The following ETV6 variants were observed in gnomAD, a reference collection of about 807,000 sequenced individuals.
ETV6 encodes the protein transcription factor ETV6.
In ETV6, 16 loss-of-function variants were observed where a neutral mutation model predicts 51.1. That is an observed-to-expected ratio of 0.31 (90% CI 0.21 to 0.48). The LOEUF (loss-of-function observed/expected upper bound fraction) is 0.48, where lower values mean the gene tolerates loss of function less well. Ranked by LOEUF, ETV6 falls within the 20% of genes least tolerant of loss-of-function variation. ETV6 has a pLI of 0.99. For missense variants in ETV6, 458 were observed against 594.8 expected (o/e 0.77, Z 2.39); for synonymous variants, 240 against 224.1 (o/e 1.07, Z -0.64).
At chr12:11,652,033 C>T (rs767480496) in intron 1 of ETV6, among the ~76,000 whole-genome samples, 3 of 152,146 alleles carry the variant, frequency 2.0e-5, no homozygotes, top group Non-Finnish European at 2.9e-5. Context: ...CCAAGCAAAA[C>T]GCGTTCTTAA....
chr12:11,738,440 C>G (rs1865749965), intron 1 of ETV6, among the ~76,000 whole-genome samples: 1 of 151,744 alleles, frequency 6.6e-6, no homozygotes, highest in Non-Finnish European at 1.5e-5. Flanking sequence ...CTCAGCCTCC[C>G]AAGTAGCTGG....
chr12:11,682,720 T>C (rs1258125854), intron 1 of ETV6, among the ~76,000 whole-genome samples: 1 of 152,062 alleles, frequency 6.6e-6, no homozygotes, highest in Admixed American at 6.6e-5. Context: ...CCTAAAACCA[T>C]AAAAAGTCTT....
chr12:11,732,056 C>G (rs1865609823), intron 1 of ETV6, among the ~76,000 whole-genome samples: 1 of 152,164 alleles, frequency 6.6e-6, no homozygotes. Flanking sequence ...AGATGTTCCA[C>G]CCTGCAGTCC....
intron 2 of ETV6, among the ~76,000 whole-genome samples, chr12:11,765,166 C>G (rs560546334): frequency 2.7e-4 from 41 of 152,346 alleles, no homozygotes; most frequent in South Asian, 1.7e-3. Flanking sequence ...CCCAAAACTT[C>G]AGGGTTTATA....
In ETV6 at chr12:11,784,320, A is replaced by C. The variant is rs548407554; in HGVS notation, c.163+31741A>C. Among the ~76,000 whole-genome samples the C allele has an allele frequency of 6.6e-5, 10 of 152,240 alleles. No homozygotes were observed. In the East Asian group the frequency reaches 1.7e-3, roughly 27 times the overall value. On this transcript the variant is annotated intron_variant, in intron 2 of 7. Coordinates refer to ENST00000396373, the MANE Select transcript of ETV6 (RefSeq NM_001987.5). ...GGCACCCGCCTGTAATCCACTACTC[A>C]GGAGGCTAAGGCAGGAGAATCACTT...
At chr12:11,756,303 C>T (rs1945006921) in intron 2 of ETV6, among the ~76,000 whole-genome samples, 1 of 152,168 alleles carries the variant, frequency 6.6e-6, no homozygotes, top group Non-Finnish European at 1.5e-5. Context: ...TGCCCTTCAA[C>T]AGTCCTACAG....
At chr12:11,733,301 G>A (rs1473513237) in intron 1 of ETV6, among the ~76,000 whole-genome samples, 2 of 151,562 alleles carry the variant, frequency 1.3e-5, no homozygotes, top group Admixed American at 6.6e-5. Context: ...CCAGCTGCTC[G>A]GGAGGCTGAG....
At chr12:11,762,360 A>C (rs759079723) in intron 2 of ETV6, among the ~76,000 whole-genome samples, 2 of 152,158 alleles carry the variant, frequency 1.3e-5, no homozygotes, top group African/African-American at 4.8e-5. Context: ...ATTAGCGGCA[A>C]TCCCCTCTGC....
chr12:11,893,793 T>TA lies in ETV6; in HGVS notation c.*2747_*2748insA, dbSNP rs59376864. ...TGTGTCCATCCCCAAGATCTCTCATTTTATATATATATATATATATATATA... is the reference window on the plus strand; with the variant it reads ...TGTGTCCATCCCCAAGATCTCTCATTATTATATATATATATATATATATATA... On this transcript the variant is annotated 3_prime_UTR_variant, in exon 8 of 8. Coordinates refer to ENST00000396373, the MANE Select transcript of ETV6 (RefSeq NM_001987.5). The TA allele has an allele frequency of 7.1e-3, 291 of 40,988 alleles. 14 individuals carry two copies. Among genetic ancestry groups the TA allele is most frequent in the South Asian group, 0.014 (13 of 954 alleles). The allele number at this position is 40,988 out of a possible 1,614,324, so 2.5% of individuals were successfully genotyped here. A position where few individuals can be genotyped will look rare whatever the true frequency, so the allele number is the denominator to read the frequency against.
intron 1 of ETV6, among the ~76,000 whole-genome samples, chr12:11,690,319 C>T (rs1864730005): frequency 6.6e-6 from 1 of 152,030 alleles, no homozygotes; most frequent in Non-Finnish European, 1.5e-5. Context: ...TCGATTCCGG[C>T]ACTGTGTTAT....
At chr12:11,817,888 C>T (rs950652460) in intron 2 of ETV6, among the ~76,000 whole-genome samples, 3 of 152,176 alleles carry the variant, frequency 2.0e-5, no homozygotes, top group African/African-American at 4.8e-5. Context: ...TCTCTGGAAG[C>T]AAAAAGACAG....
At chr12:11,751,994 T>C (rs1265973800) in intron 1 of ETV6, 1 of 323,768 alleles carries the variant, frequency 3.1e-6, no homozygotes, top group Non-Finnish European at 6.2e-6. Flanking sequence ...ACTATGGAAG[T>C]GAATCTAGAA....
chr12:11,747,705 G>C (rs887445301), intron 1 of ETV6, among the ~76,000 whole-genome samples: 4 of 152,128 alleles, frequency 2.6e-5, no homozygotes. Context: ...ACTTTCAAGA[G>C]TGTATTACTT....
chr12:11,774,349 AC>A (rs1945288016), intron 2 of ETV6, among the ~76,000 whole-genome samples: 1 of 152,218 alleles, frequency 6.6e-6, no homozygotes, highest in African/African-American at 2.4e-5. Context: ...TGTGTTAACC[AC>A]GCAAGAGAGT....
rs989715441 is a variant in ETV6, at chr12:11,791,320, G to A, written c.163+38741G>A. On this transcript the variant is annotated intron_variant, in intron 2 of 7. Transcript: ENST00000396373. The stretch of plus-strand genomic sequence containing the variant: ...GTTACTTTAGAGGATTTGGGGGAAC[G>A]AGAACAGAGCTAAAATTAACTTCCT... Among the ~76,000 whole-genome samples, 9 of 152,262 alleles carry A rather than the reference G, an allele frequency of 5.9e-5. No homozygotes were observed. The South Asian group carries it at 1.0e-3, about 18-fold the overall frequency.
chr12:11,789,134 G>A (rs1945538048), intron 2 of ETV6, among the ~76,000 whole-genome samples: 1 of 152,152 alleles, frequency 6.6e-6, no homozygotes, highest in Non-Finnish European at 1.5e-5. Context: ...TCAGGTTCAA[G>A]CGATTGTCCT....
At chr12:11,766,492 C>G (rs1046810607) in intron 2 of ETV6, among the ~76,000 whole-genome samples, 1 of 152,202 alleles carries the variant, frequency 6.6e-6, no homozygotes, top group African/African-American at 2.4e-5. Flanking sequence ...TCCGTCCCCC[C>G]ACACCTTTCT....
At chr12:11,843,291 G>T (rs531701272) in intron 3 of ETV6, among the ~76,000 whole-genome samples, 1 of 152,336 alleles carries the variant, frequency 6.6e-6, no homozygotes, top group African/African-American at 2.4e-5. Flanking sequence ...GCAGGGGCAA[G>T]ATCTAGATTG....
intron 1 of ETV6, among the ~76,000 whole-genome samples, chr12:11,708,927 G>A (rs1440845040): frequency 6.6e-6 from 1 of 152,150 alleles, no homozygotes; most frequent in East Asian, 1.9e-4. Flanking sequence ...AAAAGGCAAG[G>A]TCTAAGCACA....
Sources: allele counts gnomAD v4.1 joint callset (sites outside exome capture counted in the v4.1 genomes callset), GRCh38; gene constraint gnomAD v4.1.1; transcripts MANE v1.5; gene names NCBI Gene and HGNC (gene_info 2026-07-23, HGNC 2026-07-21).